NXPH1: variants seen among roughly 807,000 people sequenced by gnomAD.
The protein encoded by NXPH1 is neurexophilin 1.
In NXPH1, 5 loss-of-function variants were observed where a neutral mutation model predicts 23.7. The observed-to-expected ratio is 0.21, with a 90% CI of 0.11 to 0.44. NXPH1 has a LOEUF of 0.44. NXPH1 is among the 20% of genes least tolerant of loss of function. The pLI, the probability that NXPH1 is intolerant of heterozygous loss-of-function variation, is 0.99. For missense variants in NXPH1, 324 were observed against 321.6 expected, an observed-to-expected ratio of 1.01 and a Z score of -0.06; for synonymous variants, 144 against 122.2, an observed-to-expected ratio of 1.18 and a Z score of -1.18.
At chr7:8,648,626 G>A (rs1323280959) in intron 2 of NXPH1, among the ~76,000 whole-genome samples, 1 of 152,162 alleles carries the variant, frequency 6.6e-6, no homozygotes, top group African/African-American at 2.4e-5. Context: ...CAACAAACAT[G>A]GGAGTGCCTT....
chr7:8,565,208 A>C (rs1443299859), intron 2 of NXPH1, among the ~76,000 whole-genome samples: 1 of 151,518 alleles, frequency 6.6e-6, no homozygotes, highest in Non-Finnish European at 1.5e-5. Context: ...GCCCACTGTC[A>C]CTCTGGGTGG....
intron 2 of NXPH1, among the ~76,000 whole-genome samples, chr7:8,679,301 AAC>A (rs1345120587): frequency 1.3e-5 from 2 of 152,128 alleles, no homozygotes; most frequent in South Asian, 2.1e-4. Context: ...TTCTGTAAAG[AAC>A]ACGTTCAAGT....
At chr7:8,723,761 G>A (rs150975101) in intron 2 of NXPH1, among the ~76,000 whole-genome samples, 321 of 152,292 alleles carry the variant, frequency 2.1e-3, no homozygotes, top group African/African-American at 7.2e-3. Flanking sequence ...TTTATGGGGA[G>A]CTAGATAATG....
chr7:8,490,963 T>TA (rs890201621), intron 2 of NXPH1, among the ~76,000 whole-genome samples: 31 of 152,240 alleles, frequency 2.0e-4, no homozygotes, highest in African/African-American at 6.7e-4. Flanking sequence ...TCTATGAATG[T>TA]AAATAGGTTG....
At chr7:8,701,687 A>G (rs1779625334) in intron 2 of NXPH1, among the ~76,000 whole-genome samples, 1 of 152,070 alleles carries the variant, frequency 6.6e-6, no homozygotes, top group East Asian at 1.9e-4. Flanking sequence ...TCTATGTAGA[A>G]GTTGGAGCTC....
intron 2 of NXPH1, among the ~76,000 whole-genome samples, chr7:8,523,606 C>CT (rs1176707735): frequency 2.6e-5 from 4 of 152,130 alleles, no homozygotes; most frequent in Non-Finnish European, 4.4e-5. Flanking sequence ...GTTAAGTAAT[C>CT]TTTTTTTCTT....
intron 2 of NXPH1, among the ~76,000 whole-genome samples, chr7:8,589,770 G>T (rs1367362160): frequency 1.3e-5 from 2 of 152,070 alleles, no homozygotes; most frequent in African/African-American, 2.4e-5. Context: ...CAGAGAGCAG[G>T]TCTACAGTTG....
chr7:8,645,238 ATAACT>A (rs913891977), intron 2 of NXPH1, among the ~76,000 whole-genome samples: 6 of 152,166 alleles, frequency 3.9e-5, no homozygotes, highest in East Asian at 1.9e-4. Flanking sequence ...ATTTTATTAG[ATAACT>A]TAACCTTTTC....
At chr7:8,448,510 T>A (rs141808876) in intron 2 of NXPH1, among the ~76,000 whole-genome samples, 1,994 of 152,254 alleles carry the variant, frequency 0.013, 45 homozygotes, top group African/African-American at 0.046. Context: ...CCTTTACGAT[T>A]ACAGCCAGAA....
At position 8,496,517 on chromosome 7, in the gene NXPH1, C is replaced by T. The variant is rs565922108; in HGVS notation, c.54+60750C>T. On this transcript the variant is annotated intron_variant, in intron 2 of 2. Transcript: ENST00000405863. ...GTGGGCAGAAGAGCCTTGAGACCTG[C>T]CCAAGTCTTTAATTGGAGTCAATAA... 3.9e-5 allele frequency among the ~76,000 whole-genome samples: 6 copies of T among 152,114 alleles called. No homozygotes were observed. The South Asian group carries it at 1.0e-3, about 26-fold the overall frequency.
chr7:8,612,344 C>T (rs1286430965), intron 2 of NXPH1, among the ~76,000 whole-genome samples: 1 of 151,480 alleles, frequency 6.6e-6, no homozygotes, highest in East Asian at 1.9e-4. Context: ...AATTTGGCTG[C>T]AATAAAGGCT....
intron 2 of NXPH1, among the ~76,000 whole-genome samples, chr7:8,632,883 GTGA>G (rs1820157037): frequency 6.6e-6 from 1 of 152,166 alleles, no homozygotes; most frequent in Non-Finnish European, 1.5e-5. Flanking sequence ...CAAGTACCTA[GTGA>G]AAAGGAAACA....
chr7:8,560,475 G>C (rs1818425112), intron 2 of NXPH1, among the ~76,000 whole-genome samples: 1 of 148,844 alleles, frequency 6.7e-6, no homozygotes, highest in South Asian at 2.1e-4. Context: ...TTCAGAAGCA[G>C]CCACTTACTT....
intron 2 of NXPH1, among the ~76,000 whole-genome samples, chr7:8,725,315 C>A (rs1780033405): frequency 6.6e-6 from 1 of 151,956 alleles, no homozygotes; most frequent in African/African-American, 2.4e-5. Context: ...CATGGCGAAA[C>A]CCTGTCTTGA....
At chr7:8,581,674 G>A (rs1032747739) in intron 2 of NXPH1, among the ~76,000 whole-genome samples, 1 of 152,174 alleles carries the variant, frequency 6.6e-6, no homozygotes. Flanking sequence ...AGCTTAGAGT[G>A]TAGAAAGAAA....
intron 2 of NXPH1, among the ~76,000 whole-genome samples, chr7:8,581,421 T>C (rs925399242): frequency 6.6e-6 from 1 of 152,122 alleles, no homozygotes; most frequent in Admixed American, 6.5e-5. Flanking sequence ...ACATCTTACA[T>C]GGCTGGAGCA....
At chr7:8,514,867 C>G (rs1247673424) in intron 2 of NXPH1, among the ~76,000 whole-genome samples, 1 of 152,132 alleles carries the variant, frequency 6.6e-6, no homozygotes, top group South Asian at 2.1e-4. Context: ...ACCCAGATTA[C>G]ACACTCTAAA....
At chr7:8,617,338 A>G (rs1350778968) in intron 2 of NXPH1, among the ~76,000 whole-genome samples, 1 of 152,126 alleles carries the variant, frequency 6.6e-6, no homozygotes, top group Admixed American at 6.6e-5. Context: ...CAGTATATCA[A>G]AGAGATATTT....
At chr7:8,709,083 G>A (rs535780496) in intron 2 of NXPH1, among the ~76,000 whole-genome samples, 1 of 152,252 alleles carries the variant, frequency 6.6e-6, no homozygotes, top group South Asian at 2.1e-4. Flanking sequence ...GTAATTATAT[G>A]ATATGACAGT....
Sources: allele counts gnomAD v4.1 joint callset (sites outside exome capture counted in the v4.1 genomes callset), GRCh38; gene constraint gnomAD v4.1.1; transcripts MANE v1.5; gene names NCBI Gene and HGNC (gene_info 2026-07-23, HGNC 2026-07-21).